ATRNL1: variants seen among roughly 807,000 people sequenced by gnomAD.
ATRNL1 encodes the protein attractin like 1, also known as attractin-like protein 1.
Under a neutral mutation model 182.7 loss-of-function variants are expected in ATRNL1, and 95 were observed. That is an observed-to-expected ratio of 0.52 (90% CI 0.44 to 0.62). The LOEUF is 0.62. ATRNL1 is among the 20% of genes least tolerant of loss of function. The pLI is 0.00. For missense variants in ATRNL1, 1,471 were observed against 1,679.5 expected (o/e 0.88, Z 2.17); for synonymous variants, 576 against 568.3 (o/e 1.01, Z -0.19).
At chr10:115,496,546 G>C (rs193089855) in intron 24 of ATRNL1, among the ~76,000 whole-genome samples, 2 of 152,226 alleles carry the variant, frequency 1.3e-5, no homozygotes, top group Admixed American at 1.3e-4. Flanking sequence ...TTTATTGCTA[G>C]ATTTTTCTCC....
At chr10:115,754,379 C>T (rs1948529002) in intron 27 of ATRNL1, among the ~76,000 whole-genome samples, 1 of 152,154 alleles carries the variant, frequency 6.6e-6, no homozygotes, top group South Asian at 2.1e-4. Context: ...CCAGTTTCAG[C>T]TTTCTGCATA....
At chr10:115,713,561 G>A (rs1947135598) in intron 26 of ATRNL1, among the ~76,000 whole-genome samples, 1 of 151,610 alleles carries the variant, frequency 6.6e-6, no homozygotes, top group South Asian at 2.1e-4. Flanking sequence ...AACTAGTGTT[G>A]GCTACTTAAG....
At chr10:115,238,251 A>G in intron 9 of ATRNL1, among the ~76,000 whole-genome samples, 1 of 152,162 alleles carries the variant, frequency 6.6e-6, no homozygotes, top group East Asian at 1.9e-4. Context: ...AAATTTTAGA[A>G]TCAGTTTGAT....
At chr10:115,493,549 T>C (rs1849410549) in intron 24 of ATRNL1, among the ~76,000 whole-genome samples, 1 of 152,222 alleles carries the variant, frequency 6.6e-6, no homozygotes, top group Non-Finnish European at 1.5e-5. Flanking sequence ...GTGTCTTTTC[T>C]ATTGTGAATA....
At chr10:115,178,560 C>T (rs1340102031) in intron 8 of ATRNL1, among the ~76,000 whole-genome samples, 2 of 152,066 alleles carry the variant, frequency 1.3e-5, no homozygotes, top group Admixed American at 1.3e-4. Context: ...GAATATGTCC[C>T]CTCCAAAATT....
At chr10:115,480,450 C>CT (rs1456417224) in intron 24 of ATRNL1, among the ~76,000 whole-genome samples, 1 of 150,946 alleles carries the variant, frequency 6.6e-6, no homozygotes, top group Non-Finnish European at 1.5e-5. Context: ...TTCAAATACA[C>CT]TTTTTTCTTT....
chr10:115,488,100 G>T (rs1317221354), intron 24 of ATRNL1, among the ~76,000 whole-genome samples: 1 of 152,164 alleles, frequency 6.6e-6, no homozygotes, highest in African/African-American at 2.4e-5. Context: ...TAAGCTTTTT[G>T]ATGTGCTGCT....
rs182399796 is a variant in ATRNL1 at position 115,824,366 on chromosome 10, G to A, written c.3904-23511G>A. Among the ~76,000 whole-genome samples, 7 of 152,220 alleles carry A rather than the reference G, an allele frequency of 4.6e-5. No individual in the cohort carries two copies. In the East Asian group the frequency reaches 1.4e-3, roughly 29 times the overall value. ...GCAATACCATTCAGGACATAGGCAT[G>A]GGCAAGGACTTCATGACTAAAACAC... is the stretch of plus-strand genomic sequence containing the variant. On this transcript the variant is annotated intron_variant, in intron 27 of 28. Transcript: ENST00000355044.
Position 115,241,563 on chromosome 10 carries a change from T to C in ATRNL1, c.1533-8T>C. ...CTTTGTAATACATTTTTAAATTTTA[T>C]TCTGTAGGACTATTTTGAAAGAAAG... On this transcript the variant is annotated splice_polypyrimidine_tract_variant and splice_region_variant and intron_variant, in intron 9 of 28. Transcript: ENST00000355044. 6.4e-7 allele frequency: 1 copy of C among 1,574,094 alleles called. No individual in the cohort carries two copies. The highest frequency in any genetic ancestry group is 8.7e-7 in the Non-Finnish European group (1 of 1,153,042).
In ATRNL1 at chr10:115,311,815, T is replaced by C. The variant is rs375963198; in HGVS notation, c.2819-3703T>C. ...TTAGGTGCATATATATTTTAGATTG[T>C]AATATCTTCTTGTTGCATTGATACT... On this transcript the variant is annotated intron_variant, in intron 17 of 28. Coordinates refer to ENST00000355044, the MANE Select transcript of ATRNL1 (RefSeq NM_207303.4). Among the ~76,000 whole-genome samples the C allele has an allele frequency of 6.9e-4, 105 of 152,286 alleles. 2 individuals carry two copies. The South Asian group carries it at 0.021, about 31-fold the overall frequency.
In ATRNL1 at chr10:115,111,673, T is replaced by G. The variant is rs151277899; in HGVS notation, c.294-8512T>G. Among the ~76,000 whole-genome samples, 5 of 152,268 alleles carry G rather than the reference T, an allele frequency of 3.3e-5. No homozygotes were observed. The East Asian group carries it at 9.7e-4, about 29-fold the overall frequency. On this transcript the variant is annotated intron_variant, in intron 1 of 28. Coordinates refer to ENST00000355044, the MANE Select transcript of ATRNL1 (RefSeq NM_207303.4). ...GGATCTGCCTCCATGACCCAAACTCTTCTCAGTAGGCCTCACCTCTGACAT... is the reference window on the plus strand; with the variant it reads ...GGATCTGCCTCCATGACCCAAACTCGTCTCAGTAGGCCTCACCTCTGACAT...
intron 27 of ATRNL1, among the ~76,000 whole-genome samples, chr10:115,744,990 A>T (rs901164906): frequency 1.6e-4 from 25 of 152,298 alleles, no homozygotes; most frequent in African/African-American, 5.8e-4. Context: ...GTGTGCAGTC[A>T]TACAGTGACC....
intron 21 of ATRNL1, among the ~76,000 whole-genome samples, chr10:115,428,465 TTCTGA>T (rs1554963364): frequency 6.6e-6 from 1 of 152,080 alleles, no homozygotes; most frequent in African/African-American, 2.4e-5. Flanking sequence ...ATTGTCTTGT[TTCTGA>T]TCTAAGAGGG....
chr10:115,862,958 A>G (rs1463400090), intron 28 of ATRNL1, among the ~76,000 whole-genome samples: 1 of 152,222 alleles, frequency 6.6e-6, no homozygotes, highest in Non-Finnish European at 1.5e-5. Context: ...AGATATCTAG[A>G]GTGTCTGTCC....
chr10:115,837,028 A>T lies in ATRNL1; in HGVS notation c.3904-10849A>T, dbSNP rs1325506370. ...CATAAGTAAAACCAGGGAAAGGATCATTACCCAGACTCTGACCATTAATTT... is the reference window on the plus strand; with the variant it reads ...CATAAGTAAAACCAGGGAAAGGATCTTTACCCAGACTCTGACCATTAATTT... On this transcript the variant is annotated intron_variant, in intron 27 of 28. Transcript: ENST00000355044. Among the ~76,000 whole-genome samples, 4 of 152,284 alleles carry T rather than the reference A, an allele frequency of 2.6e-5. No individual in the cohort carries two copies. In the East Asian group the frequency reaches 7.7e-4, roughly 29 times the overall value.
chr10:115,842,267 C>T (rs543820308), intron 27 of ATRNL1, among the ~76,000 whole-genome samples: 4 of 151,932 alleles, frequency 2.6e-5, no homozygotes, highest in African/African-American at 7.2e-5. Flanking sequence ...TTTTGGCATG[C>T]GATGGTGGCC....
intron 8 of ATRNL1, among the ~76,000 whole-genome samples, chr10:115,202,448 T>A (rs1418889880): frequency 5.9e-5 from 9 of 152,174 alleles, no homozygotes; most frequent in Non-Finnish European, 1.2e-4. Context: ...TGAAGGGCTG[T>A]TGAATTTTGT....
rs1854237456 is a variant in ATRNL1, at chr10:115,569,156, A to ATAT, written c.3795+19623_3795+19625dup. On this transcript the variant is annotated intron_variant, in intron 26 of 28. Coordinates refer to ENST00000355044, the MANE Select transcript of ATRNL1 (RefSeq NM_207303.4). ...AAATATGGTATGTACCCTCTACTAC[A>ATAT]TATTACTCTTGTCACTTATCAATAT... is the stretch of plus-strand genomic sequence containing the variant. Among the ~76,000 whole-genome samples the ATAT allele has an allele frequency of 3.9e-5, 6 of 152,266 alleles. 1 individual carries two copies. The South Asian group carries it at 1.2e-3, about 32-fold the overall frequency.
rs568191297 is a variant in ATRNL1, at chr10:115,612,611, C to T, written c.3795+63075C>T. On this transcript the variant is annotated intron_variant, in intron 26 of 28. Transcript: ENST00000355044. ...AGTTGATGCCAGGTCCTTGTGGAGA[C>T]AGTATGTCAGGCAAGTGTTCTTATG... Among the ~76,000 whole-genome samples, 10 of 152,294 alleles carry T rather than the reference C, an allele frequency of 6.6e-5. No homozygotes were observed. The East Asian group carries it at 1.7e-3, about 26-fold the overall frequency.
Sources: allele counts gnomAD v4.1 joint callset (sites outside exome capture counted in the v4.1 genomes callset), GRCh38; gene constraint gnomAD v4.1.1; transcripts MANE v1.5; gene names NCBI Gene and HGNC (gene_info 2026-07-23, HGNC 2026-07-21).